PARPBP: variants seen among roughly 807,000 people sequenced by gnomAD.
The protein encoded by PARPBP is PCNA-interacting partner.
In PARPBP, 52 loss-of-function variants were observed where a neutral mutation model predicts 50.0. The observed-to-expected ratio is 1.04, with a 90% CI of 0.83 to 1.31. PARPBP has a LOEUF of 1.31. Among genes scored for constraint, PARPBP ranks in the 50% most tolerant of loss-of-function variants. PARPBP has a pLI of 0.00. For synonymous variants in PARPBP, 244 were observed against 232.1 expected, an observed-to-expected ratio of 1.05 and a Z score of -0.47; for missense variants, 697 against 672.0, an observed-to-expected ratio of 1.04 and a Z score of -0.41.
intron 9 of PARPBP, 50 bp from the exon 10 acceptor site, chr12:102,195,262 A>T (rs765070669): frequency 8.2e-7 from 1 of 1,221,792 alleles, no homozygotes; most frequent in Non-Finnish European, 1.2e-6. Flanking sequence ...AGATGAAGAA[A>T]TAAAATAATG....
At chr12:102,121,091 G>C (rs1205081582) in intron 1 of PARPBP, among the ~76,000 whole-genome samples, 1 of 152,090 alleles carries the variant, frequency 6.6e-6, no homozygotes, top group Non-Finnish European at 1.5e-5. Flanking sequence ...TTCTCACAAG[G>C]GACTGGAAGG....
chr12:102,151,489 C>T, intron 3 of PARPBP: 1 of 894,940 alleles, frequency 1.1e-6, no homozygotes, highest in South Asian at 1.5e-5. Context: ...CTGGGAGATG[C>T]ATCAACATCA....
At position 102,182,629 on chromosome 12, in the gene PARPBP, T is replaced by C. The variant is rs1163599218; in HGVS notation, c.1263+2T>C. On this transcript the variant is annotated splice_donor_variant, in intron 9 of 10. Transcript: ENST00000327680. LOFTEE classifies it high-confidence loss of function. ...TCAATGCAAGAGAAAAAAATTAAGG[T>C]ACAATTTAATGCATGCCATGAAAAT... is the stretch of plus-strand genomic sequence containing the variant. 6.3e-7 allele frequency: 1 copy of C among 1,580,190 alleles called. No individual in the cohort carries two copies. Among genetic ancestry groups the C allele is most frequent in the Admixed American group, 1.7e-5 (1 of 59,536 alleles).
chr12:102,138,578 A>G (rs1317189859), intron 2 of PARPBP, among the ~76,000 whole-genome samples: 1 of 152,138 alleles, frequency 6.6e-6, no homozygotes, highest in East Asian at 1.9e-4. Flanking sequence ...TATGTCCTGA[A>G]TGGTATTGCC....
chr12:102,164,974 TAA>T (rs1240379444), intron 5 of PARPBP, among the ~76,000 whole-genome samples: 2 of 152,212 alleles, frequency 1.3e-5, no homozygotes, highest in Non-Finnish European at 1.5e-5. Context: ...TGATTGTATA[TAA>T]GAGCTCTGAG....
At chr12:102,158,533 C>T (rs949412317) in intron 4 of PARPBP, among the ~76,000 whole-genome samples, 1 of 152,198 alleles carries the variant, frequency 6.6e-6, no homozygotes, top group Non-Finnish European at 1.5e-5. Flanking sequence ...ATATCCCAAG[C>T]CCACCTTGAA....
At chr12:102,165,591 A>C in intron 5 of PARPBP, 138 bp from the exon 6 acceptor site, 2 of 646,854 alleles carry the variant, frequency 3.1e-6, no homozygotes, top group South Asian at 4.0e-5. Context: ...CTTCTGACTC[A>C]AAGTGTGTCA....
intron 8 of PARPBP, among the ~76,000 whole-genome samples, chr12:102,180,583 G>T (rs910652995): frequency 1.3e-5 from 2 of 152,100 alleles, no homozygotes; most frequent in African/African-American, 4.8e-5. Flanking sequence ...CATGCTTGTA[G>T]TACCAGCTAC....
intron 9 of PARPBP, among the ~76,000 whole-genome samples, chr12:102,184,286 A>T (rs1053305898): frequency 7.9e-5 from 12 of 151,918 alleles, no homozygotes; most frequent in African/African-American, 2.4e-4. Flanking sequence ...CATCATGGAG[A>T]ATGGGGTATC....
chr12:102,156,400 G>A (rs1386778590), intron 4 of PARPBP, among the ~76,000 whole-genome samples: 3 of 150,718 alleles, frequency 2.0e-5, no homozygotes, highest in Admixed American at 1.3e-4. Context: ...CACCCTGTTA[G>A]CCAGGTTGGT....
chr12:102,123,823 T>C, intron 1 of PARPBP, 63 bp from the exon 2 acceptor site: 1 of 1,108,438 alleles, frequency 9.0e-7, no homozygotes, highest in South Asian at 1.4e-5. Flanking sequence ...TGCCTATACA[T>C]GTTAAATGTT....
rs190077270 is a variant in PARPBP at position 102,153,384 on chromosome 12, C to T, written c.388-485C>T. Among the ~76,000 whole-genome samples the T allele has an allele frequency of 3.3e-4, 51 of 152,306 alleles. No individual in the cohort carries two copies. The East Asian group carries it at 4.4e-3, about 13-fold the overall frequency. On this transcript the variant is annotated intron_variant, in intron 3 of 10. Transcript: ENST00000327680. ...TTTTTGAGACAGGGTATCACTCTGG[C>T]GCCCAGGTTGGAGTGCAGTGGTGTA...
At chr12:102,130,505 A>G (rs1882676475) in intron 2 of PARPBP, among the ~76,000 whole-genome samples, 1 of 152,212 alleles carries the variant, frequency 6.6e-6, no homozygotes, top group African/African-American at 2.4e-5. Flanking sequence ...CAAAGGTCTG[A>G]TATCTAGTAT....
chr12:102,175,915 C>A (rs73384879), intron 7 of PARPBP, among the ~76,000 whole-genome samples: 178 of 151,696 alleles, frequency 1.2e-3, no homozygotes, highest in African/African-American at 3.9e-3. Flanking sequence ...TCTGGTATCC[C>A]TTTTAGTACT....
Position 102,195,410 on chromosome 12 carries a change from G to A in PARPBP, c.1362G>A (p.Lys454=), listed in dbSNP as rs535331179. The change falls in exon 10 of 11, where the codon AAG becomes AAA. Residue 454 remains lysine (K), a synonymous_variant. Coordinates refer to ENST00000327680, the MANE Select transcript of PARPBP (RefSeq NM_017915.5). ...GGAATAATGTTAATTTAGCATCAAA[G>A]CCTTTGTGTGTTCTTTACATGGAAA... The part of the protein sequence containing the change: ...DNWNNVNLAS[K]PLCVLYMEND... The A allele has an allele frequency of 3.8e-6, 6 of 1,594,898 alleles. No homozygotes were observed. The South Asian group carries it at 6.8e-5, about 18-fold the overall frequency.
chr12:102,178,876 A>G, intron 8 of PARPBP, 106 bp downstream of exon 8: 1 of 643,418 alleles, frequency 1.6e-6, no homozygotes, highest in South Asian at 3.1e-5. Flanking sequence ...AATTGTGAAG[A>G]AAGAAAATAA....
At chr12:102,120,628 C>T (rs1880874288) in intron 1 of PARPBP, 1 of 374,686 alleles carries the variant, frequency 2.7e-6, no homozygotes, top group Admixed American at 3.2e-5. Context: ...TCTCCTACTC[C>T]TGATTAGTTA....
At chr12:102,195,231 C>G in intron 9 of PARPBP, 81 bp from the exon 10 acceptor site, 1 of 858,974 alleles carries the variant, frequency 1.2e-6, no homozygotes, top group Non-Finnish European at 1.8e-6. Context: ...ACCTTGATTA[C>G]TATAGAGTGT....
At chr12:102,121,745 T>A (rs993700115) in intron 1 of PARPBP, among the ~76,000 whole-genome samples, 2 of 151,934 alleles carry the variant, frequency 1.3e-5, no homozygotes, top group Non-Finnish European at 2.9e-5. Context: ...GGTTTCACCA[T>A]GTTGGCCAGG....
Sources: allele counts gnomAD v4.1 joint callset (sites outside exome capture counted in the v4.1 genomes callset), GRCh38; gene constraint gnomAD v4.1.1; transcripts MANE v1.5; gene names NCBI Gene and HGNC (gene_info 2026-07-23, HGNC 2026-07-21).